UBA2: variants seen among roughly 807,000 people sequenced by gnomAD.
UBA2 encodes the protein SUMO-activating enzyme subunit 2.
UBA2 carries 11 observed loss-of-function variants against 77.2 expected under a neutral mutation model. That is an observed-to-expected ratio of 0.14 (90% confidence interval 0.09 to 0.24). The LOEUF is 0.24. Ranked by LOEUF, UBA2 falls within the 10% of genes least tolerant of loss-of-function variation. UBA2 has a pLI of 1.00. For synonymous variants in UBA2, 278 were observed against 276.7 expected (o/e 1.00, Z -0.05); for missense variants, 487 against 781.7 (o/e 0.62, Z 4.50).
chr19:34,466,638 A>C (rs2075691033), intron 15 of UBA2, among the ~76,000 whole-genome samples: 1 of 152,172 alleles, frequency 6.6e-6, no homozygotes, highest in Non-Finnish European at 1.5e-5. Context: ...TCACGCCTGT[A>C]ATCCCAGCAC....
intron 14 of UBA2, 56 bp downstream of exon 14, chr19:34,460,622 C>A: frequency 2.4e-6 from 3 of 1,246,802 alleles, no homozygotes; most frequent in East Asian, 2.4e-5. Flanking sequence ...TTGAAGAGTG[C>A]ACATTAGTTG....
intron 6 of UBA2, among the ~76,000 whole-genome samples, chr19:34,440,932 A>AC (rs1039888634): frequency 2.6e-5 from 4 of 151,740 alleles, no homozygotes; most frequent in African/African-American, 7.3e-5. Flanking sequence ...TCTCAAAAAA[A>AC]AAAAAAAAAA....
intron 16 of UBA2, among the ~76,000 whole-genome samples, chr19:34,467,886 C>A (rs2075704378): frequency 6.6e-6 from 1 of 152,158 alleles, no homozygotes; most frequent in African/African-American, 2.4e-5. Context: ...TACTAGTGTG[C>A]AAAGTCAGCC....
chr19:34,450,628 A>G (rs2075482606), intron 9 of UBA2, among the ~76,000 whole-genome samples: 1 of 152,168 alleles, frequency 6.6e-6, no homozygotes. Context: ...TACTATTGAT[A>G]AACTCTCACT....
intron 12 of UBA2, among the ~76,000 whole-genome samples, chr19:34,456,792 A>G (rs1212732819): frequency 1.3e-5 from 2 of 152,040 alleles, no homozygotes; most frequent in Non-Finnish European, 2.9e-5. Flanking sequence ...TCCTGACCTC[A>G]GGTGATCTGC....
chr19:34,433,754 GT>G (rs1249007253), intron 4 of UBA2, among the ~76,000 whole-genome samples: 1 of 152,160 alleles, frequency 6.6e-6, no homozygotes, highest in Admixed American at 6.5e-5. Context: ...GAGGTCAGGA[GT>G]TCGAGACCAA....
chr19:34,440,329 G>A (rs1300645128), intron 6 of UBA2, among the ~76,000 whole-genome samples: 3 of 151,212 alleles, frequency 2.0e-5, no homozygotes, highest in Non-Finnish European at 4.4e-5. Context: ...AAAAATGAAA[G>A]GAAAATAGAA....
chr19:34,462,263 T>G (rs910915836), intron 14 of UBA2, among the ~76,000 whole-genome samples: 3 of 152,100 alleles, frequency 2.0e-5, no homozygotes, highest in African/African-American at 7.2e-5. Context: ...AGGCAGGTGA[T>G]AGATTTGAGA....
chr19:34,432,032 A>G (rs1362351760), intron 3 of UBA2, 101 bp downstream of exon 3: 5 of 908,208 alleles, frequency 5.5e-6, no homozygotes, highest in East Asian at 2.6e-5. Flanking sequence ...TGATTTTTCT[A>G]GAATTATTAA....
chr19:34,457,141 T>A (rs2075572019), intron 12 of UBA2, among the ~76,000 whole-genome samples: 1 of 121,296 alleles, frequency 8.2e-6, no homozygotes, highest in Admixed American at 9.8e-5. Context: ...CTAGCCTGAC[T>A]AACGTGGAGA....
chr19:34,436,560 A>T lies in UBA2; in HGVS notation c.459+1592A>T, dbSNP rs548128851. Among the ~76,000 whole-genome samples the T allele has an allele frequency of 1.8e-3, 278 of 152,278 alleles. 2 individuals are homozygous for T. The highest frequency in any genetic ancestry group is 5.9e-3 in the African/African-American group (247 of 41,568). On this transcript the variant is annotated intron_variant, in intron 5 of 16. Transcript: ENST00000246548. Reference sequence around the variant, plus strand: ...GTGATCCACCTGCCTCGGCCTCCCAAAGTGCTGGGATTATAGGTGTGAGCC... The same window carrying T: ...GTGATCCACCTGCCTCGGCCTCCCATAGTGCTGGGATTATAGGTGTGAGCC...
intron 13 of UBA2, 53 bp from the exon 14 acceptor site, chr19:34,460,417 T>C (rs2075617926): frequency 5.9e-6 from 7 of 1,187,224 alleles, no homozygotes; most frequent in Admixed American, 4.9e-5. Flanking sequence ...GGATTTCTTA[T>C]GATCTTTAAT....
chr19:34,438,217 G>C (rs1599895332), intron 5 of UBA2, among the ~76,000 whole-genome samples: 1 of 58,442 alleles, frequency 1.7e-5, no homozygotes. Context: ...ACTTAGTTTT[G>C]CTCAAAAAAA....
intron 6 of UBA2, among the ~76,000 whole-genome samples, chr19:34,440,251 T>C (rs977757105): frequency 7.0e-6 from 1 of 143,550 alleles, no homozygotes; most frequent in Non-Finnish European, 1.5e-5. Context: ...TTGAACCCAG[T>C]GGGTGGAGAT....
At position 34,428,432 on chromosome 19, in the gene UBA2, C is replaced by G. The variant is rs748840513; in HGVS notation, c.-1C>G. On this transcript the variant is annotated 5_prime_UTR_variant, in exon 1 of 17. Coordinates refer to ENST00000246548, the MANE Select transcript of UBA2 (RefSeq NM_005499.3). ...CCGCCGCGGCTCGTGGTTGTCCCGC[C>G]ATGGCACTGTCGCGGGGGCTGCCCC... is the stretch of plus-strand genomic sequence containing the variant. 1.6e-6 allele frequency: 2 copies of G among 1,266,170 alleles called. No homozygotes were observed. Among genetic ancestry groups the G allele is most frequent in the African/African-American group, 3.0e-5 (2 of 65,716 alleles). 78.4% of individuals were successfully genotyped at this position (1,266,170 alleles called of 1,614,324 possible).
rs747919067 is a variant in UBA2 at position 34,464,032 on chromosome 19, A to G, written c.1505A>G (p.Asn502Ser). Residue 502 changes from asparagine to serine, a missense_variant, in exon 15 of 17, where the codon AAT becomes AGT. This residue lies in a region of UBA2 where 300 missense variants were observed against 454.3 expected (regional missense o/e 0.66). Coordinates refer to ENST00000246548, the MANE Select transcript of UBA2 (RefSeq NM_005499.3). ...AATTATTCACGTTTCCTAGCTAATA[A>G]TCACAAGAAGTTGTCAGAATTTGGA... ...SSEEGETEANNHKKLSEFGIR... is the reference protein window; with the variant it reads ...SSEEGETEANSHKKLSEFGIR... The G allele has an allele frequency of 6.2e-7, 1 of 1,611,298 alleles. No homozygotes were observed. The highest frequency in any genetic ancestry group is 2.2e-5 in the East Asian group (1 of 44,852).
chr19:34,428,953 C>T (rs1232649162), intron 1 of UBA2: 2 of 987,098 alleles, frequency 2.0e-6, no homozygotes, highest in Non-Finnish European at 2.4e-6. Context: ...ATTTTGAGGT[C>T]CCTGTCGTAA....
chr19:34,451,931 G>A lies in UBA2; in HGVS notation c.872-50G>A, dbSNP rs1239413324. 4 of 1,088,348 alleles carry A rather than the reference G, an allele frequency of 3.7e-6. No individual in the cohort carries two copies. The African/African-American group carries it at 4.8e-5, about 13-fold the overall frequency. The allele number at this position is 1,088,348 out of a possible 1,614,324, so 67.4% of individuals were successfully genotyped here. ...AACTTGTTAAACAGAGCACAGTAGA[G>A]GAATGATGTTAATTAGTGAAATTTC... On this transcript the variant is annotated intron_variant, in intron 9 of 16. Coordinates refer to ENST00000246548, the MANE Select transcript of UBA2 (RefSeq NM_005499.3).
chr19:34,464,249 T>C (rs2075663670), intron 15 of UBA2, 118 bp downstream of exon 15: 1 of 675,366 alleles, frequency 1.5e-6, no homozygotes, highest in Non-Finnish European at 2.5e-6. Flanking sequence ...AACTGTATAG[T>C]ATATTTGGTT....
Sources: allele counts gnomAD v4.1 joint callset (sites outside exome capture counted in the v4.1 genomes callset), GRCh38; gene constraint gnomAD v4.1.1; regional missense constraint gnomAD v4.1.1; transcripts MANE v1.5; gene names NCBI Gene and HGNC (gene_info 2026-07-23, HGNC 2026-07-21).